PRIM2: variants seen among roughly 807,000 people sequenced by gnomAD.
The protein encoded by PRIM2 is DNA primase subunit 2.
In PRIM2, 39 loss-of-function variants were observed where a neutral mutation model predicts 67.3. The observed-to-expected ratio is 0.58, with a 90% CI of 0.45 to 0.76. The LOEUF (loss-of-function observed/expected upper bound fraction) is 0.76, where lower values mean the gene tolerates loss of function less well. PRIM2 is among the 30% of genes least tolerant of loss of function. The pLI, the probability that PRIM2 is intolerant of heterozygous loss-of-function variation, is 0.00. For synonymous variants in PRIM2, 143 were observed against 198.7 expected (o/e 0.72, Z 2.36); for missense variants, 398 against 598.7 (o/e 0.66, Z 3.50).
At chr6:57,628,694 G>C (rs1776995534) in intron 12 of PRIM2, among the ~76,000 whole-genome samples, 1 of 152,002 alleles carries the variant, frequency 6.6e-6, no homozygotes, top group Non-Finnish European at 1.5e-5. Flanking sequence ...TTGTGACCAT[G>C]TATAACCAAT....
chr6:57,322,801 G>A (rs1767703940), intron 3 of PRIM2, among the ~76,000 whole-genome samples: 1 of 152,222 alleles, frequency 6.6e-6, no homozygotes. Flanking sequence ...GTATGCGGAA[G>A]CTTGGGACTG....
At chr6:57,476,868 C>A (rs1773489860) in intron 7 of PRIM2, among the ~76,000 whole-genome samples, 1 of 152,168 alleles carries the variant, frequency 6.6e-6, no homozygotes, top group Non-Finnish European at 1.5e-5. Flanking sequence ...CTGCCTCAGC[C>A]TCCCAAGTAG....
At chr6:57,325,224 T>A (rs1222718434) in intron 4 of PRIM2, among the ~76,000 whole-genome samples, 4 of 152,152 alleles carry the variant, frequency 2.6e-5, no homozygotes, top group African/African-American at 9.7e-5. Context: ...TGTCTTTTAT[T>A]TGGCATTTAT....
At chr6:57,633,762 G>A (rs1280711062) in intron 13 of PRIM2, among the ~76,000 whole-genome samples, 3 of 151,666 alleles carry the variant, frequency 2.0e-5, no homozygotes, top group Non-Finnish European at 4.4e-5. Flanking sequence ...GTTCACACCC[G>A]CATGAGAATC....
At chr6:57,509,957 T>C (rs1241884168) in intron 8 of PRIM2, among the ~76,000 whole-genome samples, 1 of 151,672 alleles carries the variant, frequency 6.6e-6, no homozygotes. Flanking sequence ...ATGCTCCACT[T>C]TTATAACAAC....
intron 10 of PRIM2, among the ~76,000 whole-genome samples, chr6:57,554,300 A>T (rs1171279358): frequency 6.8e-6 from 1 of 146,536 alleles, no homozygotes; most frequent in Non-Finnish European, 1.5e-5. Flanking sequence ...CTAAAGCTTT[A>T]TGTGATTTTT....
chr6:57,518,305 G>A (rs1774529631), intron 8 of PRIM2, among the ~76,000 whole-genome samples: 1 of 152,200 alleles, frequency 6.6e-6, no homozygotes, highest in Non-Finnish European at 1.5e-5. Context: ...GTCTTACTGA[G>A]GTGTGTCCTT....
chr6:57,244,229 C>G, the PRIM2 span, among the ~76,000 whole-genome samples: 5 of 152,128 alleles, frequency 3.3e-5, no homozygotes, highest in Admixed American at 2.6e-4. Flanking sequence ...CTTTATTTGC[C>G]GGAAGCTGGG....
chr6:57,508,947 A>T (rs1774303707), intron 8 of PRIM2, among the ~76,000 whole-genome samples: 1 of 152,244 alleles, frequency 6.6e-6, no homozygotes, highest in Admixed American at 6.5e-5. Context: ...GGTTTTATGT[A>T]GTCAAGCACC....
At chr6:57,434,122 C>G (rs1268381004) in intron 7 of PRIM2, among the ~76,000 whole-genome samples, 1 of 151,924 alleles carries the variant, frequency 6.6e-6, no homozygotes, top group Non-Finnish European at 1.5e-5. Flanking sequence ...CGGGGTTTCT[C>G]CATGTTGGTC....
intron 6 of PRIM2, among the ~76,000 whole-genome samples, chr6:57,381,063 C>A (rs995109705): frequency 2.6e-5 from 4 of 151,992 alleles, no homozygotes; most frequent in African/African-American, 9.7e-5. Context: ...CTCTTACCTG[C>A]TCATCTGATA....
the PRIM2 span, among the ~76,000 whole-genome samples, chr6:57,240,103 T>TTTTTG: frequency 1.7e-4 from 17 of 97,206 alleles, no homozygotes; most frequent in African/African-American, 2.5e-4. Flanking sequence ...TTTTTTTTTT[T>TTTTTG]TTTTTTTTTT....
intron 10 of PRIM2, among the ~76,000 whole-genome samples, chr6:57,538,946 G>C (rs1775075581): frequency 6.6e-6 from 1 of 152,152 alleles, no homozygotes; most frequent in Admixed American, 6.5e-5. Flanking sequence ...AGTTGGATTT[G>C]GAGTTAGGGG....
chr6:57,391,653 G>T (rs1770349552), intron 7 of PRIM2, among the ~76,000 whole-genome samples: 1 of 152,126 alleles, frequency 6.6e-6, no homozygotes, highest in South Asian at 2.1e-4. Flanking sequence ...TGTCAGCTTT[G>T]TTGAAGATCA....
intron 10 of PRIM2, among the ~76,000 whole-genome samples, chr6:57,544,028 A>G (rs2127472686): frequency 6.6e-6 from 1 of 152,280 alleles, no homozygotes; most frequent in Non-Finnish European, 1.5e-5. Flanking sequence ...TTTTTTTATT[A>G]GGAATTTGAT....
At chr6:57,421,710 A>G (rs1222179617) in intron 7 of PRIM2, among the ~76,000 whole-genome samples, 2 of 152,030 alleles carry the variant, frequency 1.3e-5, no homozygotes, top group African/African-American at 4.8e-5. Context: ...ACTTCCTCTT[A>G]TGTTGCCAAA....
chr6:57,363,940 C>T (rs868737593), intron 5 of PRIM2, among the ~76,000 whole-genome samples: 66 of 152,090 alleles, frequency 4.3e-4, no homozygotes, highest in African/African-American at 1.5e-3. Context: ...GTTGTGTCTT[C>T]CTTCTTTTTG....
intron 12 of PRIM2, among the ~76,000 whole-genome samples, chr6:57,618,802 G>A (rs1332275568): frequency 6.6e-6 from 1 of 151,900 alleles, no homozygotes; most frequent in Non-Finnish European, 1.5e-5. Flanking sequence ...GCTCAGACAC[G>A]CATAGCCCCA....
At chr6:57,477,333 A>C (rs1208518968) in intron 7 of PRIM2, among the ~76,000 whole-genome samples, 1 of 152,206 alleles carries the variant, frequency 6.6e-6, no homozygotes, top group Non-Finnish European at 1.5e-5. Context: ...TTTGAAAATG[A>C]TAAGTTATAT....
Sources: allele counts gnomAD v4.1 joint callset (sites outside exome capture counted in the v4.1 genomes callset), GRCh38; gene constraint gnomAD v4.1.1; transcripts MANE v1.5; gene names NCBI Gene and HGNC (gene_info 2026-07-23, HGNC 2026-07-21).